The following YPEL1 variants were observed in gnomAD, a reference collection of about 807,000 sequenced individuals.
YPEL1 encodes protein yippee-like 1.
Under a neutral mutation model 17.3 loss-of-function variants are expected in YPEL1, and 7 were observed. The ratio of observed to expected loss-of-function variants is 0.40; its 90% CI spans 0.23 to 0.76. YPEL1 has a LOEUF of 0.76. Ranked by LOEUF, YPEL1 falls within the 30% of genes least tolerant of loss-of-function variation. The pLI, the probability that YPEL1 is intolerant of heterozygous loss-of-function variation, is 0.35. For synonymous variants in YPEL1, 59 were observed against 59.6 expected (o/e 0.99, Z 0.05); for missense variants, 91 against 155.5 (o/e 0.59, Z 2.21).
At chr22:21,705,161 T>C (rs1408884493) in intron 2 of YPEL1, among the ~76,000 whole-genome samples, 1 of 152,172 alleles carries the variant, frequency 6.6e-6, no homozygotes, top group African/African-American at 2.4e-5. Context: ...TAGGATATTT[T>C]AGAGATAGGG....
At chr22:21,728,555 C>G (rs188391260) in intron 1 of YPEL1, among the ~76,000 whole-genome samples, 26 of 152,242 alleles carry the variant, frequency 1.7e-4, no homozygotes, top group Non-Finnish European at 2.2e-4. Context: ...AAAAGGTTAC[C>G]TGAGCACCCA....
chr22:21,710,950 A>T, intron 1 of YPEL1, 42 bp from the exon 2 acceptor site: 1 of 577,614 alleles, frequency 1.7e-6, no homozygotes, highest in Non-Finnish European at 3.1e-6. Flanking sequence ...CAGAGAGAAC[A>T]TGCGTGTGAA....
Position 21,698,319 on chromosome 22 carries a change from G to A in YPEL1, c.*2810C>T, listed in dbSNP as rs1211675598. On this transcript the variant is annotated 3_prime_UTR_variant, in exon 5 of 5. Coordinates refer to ENST00000339468, the MANE Select transcript of YPEL1 (RefSeq NM_013313.5). Reference sequence around the variant, plus strand: ...TACTAGTAAAAAATGTTCAATCAATGCCGTCACAAAAGACAGTACAAAAAC... The same window carrying A: ...TACTAGTAAAAAATGTTCAATCAATACCGTCACAAAAGACAGTACAAAAAC... 2 of 149,370 alleles carry A rather than the reference G, an allele frequency of 1.3e-5. No individual in the cohort carries two copies. Among genetic ancestry groups the A allele is most frequent in the Non-Finnish European group, 3.0e-5 (2 of 67,458 alleles). The allele number at this position is 149,370 out of a possible 1,614,324, so 9.3% of individuals were successfully genotyped here.
intron 2 of YPEL1, among the ~76,000 whole-genome samples, chr22:21,707,429 C>T (rs1007630983): frequency 1.3e-5 from 2 of 152,104 alleles, no homozygotes; most frequent in Non-Finnish European, 2.9e-5. Flanking sequence ...ACAACAACAA[C>T]AGCAACAACA....
Position 21,703,949 on chromosome 22 carries a change from A to T in YPEL1, c.118-67T>A. 6.5e-7 allele frequency: 1 copy of T among 1,537,832 alleles called. No homozygotes were observed. Among genetic ancestry groups the T allele is most frequent in the Non-Finnish European group, 8.8e-7 (1 of 1,133,732 alleles). ...CTGGAACGAAGCGGTGCTGCCCAGA[A>T]CCAGGGGAGTCCAGCCCCGCGGCTG... On this transcript the variant is annotated intron_variant, in intron 2 of 4. Transcript: ENST00000339468. The surrounding 1 kb of genome is among the most constrained non-coding windows in gnomAD (Gnocchi z 6.1).
At chr22:21,705,908 T>C (rs995695415) in intron 2 of YPEL1, among the ~76,000 whole-genome samples, 2 of 151,910 alleles carry the variant, frequency 1.3e-5, no homozygotes, top group African/African-American at 4.8e-5. Flanking sequence ...GGTGGGTGGA[T>C]CACCTGAGGT....
At chr22:21,732,084 T>G (rs4821217) in intron 1 of YPEL1, among the ~76,000 whole-genome samples, 2 of 152,168 alleles carry the variant, frequency 1.3e-5, no homozygotes, top group Non-Finnish European at 2.9e-5. Context: ...GCAACAGTGG[T>G]TGGCTCCAGG....
intron 4 of YPEL1, among the ~76,000 whole-genome samples, chr22:21,702,281 G>A (rs2068073730): frequency 6.6e-6 from 1 of 152,184 alleles, no homozygotes; most frequent in South Asian, 2.1e-4. Flanking sequence ...GGAAGGCACG[G>A]GTTTCTGGAA....
At chr22:21,712,379 A>AAAAC (rs1555904120) in intron 1 of YPEL1, among the ~76,000 whole-genome samples, 2 of 151,164 alleles carry the variant, frequency 1.3e-5, no homozygotes, top group Non-Finnish European at 3.0e-5. Flanking sequence ...AAAAAAAAAA[A>AAAAC]AAAAAACAAC....
At chr22:21,734,327 T>A (rs746060593) in intron 1 of YPEL1, among the ~76,000 whole-genome samples, 21 of 152,238 alleles carry the variant, frequency 1.4e-4, no homozygotes, top group Non-Finnish European at 2.5e-4. Context: ...GTTTTTCATA[T>A]TGGCAAGTGT....
chr22:21,704,773 G>A (rs1435491805), intron 2 of YPEL1, among the ~76,000 whole-genome samples: 1 of 152,054 alleles, frequency 6.6e-6, no homozygotes, highest in African/African-American at 2.4e-5. Flanking sequence ...ACAGCTCATG[G>A]TATATTCACG....
At chr22:21,728,799 C>T (rs2068360094) in intron 1 of YPEL1, among the ~76,000 whole-genome samples, 1 of 152,064 alleles carries the variant, frequency 6.6e-6, no homozygotes, top group Non-Finnish European at 1.5e-5. Context: ...CGCTTGAGTC[C>T]AGGAGTTTGA....
intron 1 of YPEL1, among the ~76,000 whole-genome samples, chr22:21,728,494 AGATGCGTGTCCTTATTAGCCCCAC>A (rs2068357042): frequency 6.6e-6 from 1 of 152,162 alleles, no homozygotes; most frequent in Non-Finnish European, 1.5e-5. Context: ...CAGTTCTAAG[AGATGCGTGTCCTTATTAGCCCCAC>A]GATGCACATG....
At position 21,699,506 on chromosome 22, in the gene YPEL1, T is replaced by C. The variant is rs994077216; in HGVS notation, c.*1623A>G. 2.0e-5 allele frequency: 3 copies of C among 152,372 alleles called. No individual in the cohort carries two copies. The highest frequency in any genetic ancestry group is 4.8e-5 in the African/African-American group (2 of 41,438). 9.4% of individuals were successfully genotyped at this position (152,372 alleles called of 1,614,324 possible). A position where few individuals can be genotyped will look rare whatever the true frequency, so the allele number is the denominator to read the frequency against. On this transcript the variant is annotated 3_prime_UTR_variant, in exon 5 of 5. Coordinates refer to ENST00000339468, the MANE Select transcript of YPEL1 (RefSeq NM_013313.5). ...GTGGATTGTAATTTATAATAAAATATATGGCAGAAACACAGGCCTTAGGAG... is the reference window on the plus strand; with the variant it reads ...GTGGATTGTAATTTATAATAAAATACATGGCAGAAACACAGGCCTTAGGAG...
At position 21,700,896 on chromosome 22, in the gene YPEL1, T is replaced by A. The variant is rs536591410; in HGVS notation, c.*233A>T. On this transcript the variant is annotated 3_prime_UTR_variant, in exon 5 of 5. Coordinates refer to ENST00000339468, the MANE Select transcript of YPEL1 (RefSeq NM_013313.5). ...GTTGGTTAATTCTTTCTCTAGAACT[T>A]GAGAAGTTAGAAAAAGCTCATTGAA... The A allele has an allele frequency of 1.7e-5, 7 of 420,310 alleles. No homozygotes were observed. The highest frequency in any genetic ancestry group is 3.0e-5 in the Non-Finnish European group (7 of 235,594). 26.0% of individuals were successfully genotyped at this position (420,310 alleles called of 1,614,324 possible). A position where few individuals can be genotyped will look rare whatever the true frequency, so the allele number is the denominator to read the frequency against.
rs749944717 is a variant in YPEL1, at chr22:21,698,194, A to AAAT, written c.*2932_*2934dup. 6.6e-6 allele frequency: 1 copy of AAAT among 151,860 alleles called. No individual in the cohort carries two copies. Among genetic ancestry groups the AAAT allele is most frequent in the Non-Finnish European group, 1.5e-5 (1 of 67,968 alleles). The allele number at this position is 151,860 out of a possible 1,614,324, so 9.4% of individuals were successfully genotyped here. A position where few individuals can be genotyped will look rare whatever the true frequency, so the allele number is the denominator to read the frequency against. On this transcript the variant is annotated 3_prime_UTR_variant, in exon 5 of 5. Transcript: ENST00000339468. ...CTCATGGTCTGTTCATTTGGTTTAA[A>AAAT]AATGAGCTTGTATTTTGCAGAAGCC...
intron 1 of YPEL1, among the ~76,000 whole-genome samples, chr22:21,717,357 A>C (rs1164445562): frequency 1.3e-5 from 2 of 150,992 alleles, no homozygotes; most frequent in Admixed American, 6.6e-5. Context: ...GCCTTGGGTA[A>C]CAGAGCAATA....
At chr22:21,734,954 G>A (rs1002386001) in intron 1 of YPEL1, among the ~76,000 whole-genome samples, 4 of 152,174 alleles carry the variant, frequency 2.6e-5, no homozygotes, top group African/African-American at 7.2e-5. Flanking sequence ...GCGTGGGGCG[G>A]GGAAATTGAT....
At chr22:21,704,518 G>A (rs1366484648) in intron 2 of YPEL1, among the ~76,000 whole-genome samples, 2 of 152,086 alleles carry the variant, frequency 1.3e-5, no homozygotes, top group East Asian at 1.9e-4. Flanking sequence ...TTAGCTGGGC[G>A]TGGTGGCGGG....
Sources: allele counts gnomAD v4.1 joint callset (sites outside exome capture counted in the v4.1 genomes callset), GRCh38; gene constraint gnomAD v4.1.1; non-coding constraint Gnocchi (gnomAD v3.1); transcripts MANE v1.5; gene names NCBI Gene and HGNC (gene_info 2026-07-23, HGNC 2026-07-21).